Variants in CELA3B observed in about 807,000 individuals in gnomAD.
The protein encoded by CELA3B is chymotrypsin like elastase 3B, also known as chymotrypsin-like elastase family member 3B.
In CELA3B, 34 loss-of-function variants were observed where a neutral mutation model predicts 37.2. The ratio of observed to expected loss-of-function variants is 0.91; its 90% CI spans 0.70 to 1.22. The LOEUF (loss-of-function observed/expected upper bound fraction) is 1.22, where lower values mean the gene tolerates loss of function less well. Ranked by LOEUF, CELA3B falls within the 50% of genes most tolerant of loss-of-function variation. The probability of loss-of-function intolerance (pLI) is 0.00; values close to 1 mark genes in which losing one functional copy is unlikely to be tolerated. For missense variants in CELA3B, 340 were observed against 363.1 expected, an observed-to-expected ratio of 0.94 and a Z score of 0.52; for synonymous variants, 127 against 143.5, an observed-to-expected ratio of 0.89 and a Z score of 0.82.
downstream of CELA3B, among the ~76,000 whole-genome samples, chr1:21,989,810 A>C (rs2473312): frequency 0.076 from 11,436 of 150,614 alleles, 1,636 homozygotes; most frequent in African/African-American, 0.24. Context: ...CCTTGTTTTA[A>C]AGGAGGGCTC....
rs1436372146 is a variant in CELA3B at position 21,978,352 on chromosome 1, T to G, written c.44-17T>G. 2 of 1,613,914 alleles carry G rather than the reference T, an allele frequency of 1.2e-6. No homozygotes were observed. The highest frequency in any genetic ancestry group is 1.7e-5 in the Admixed American group (1 of 59,988). On this transcript the variant is annotated splice_polypyrimidine_tract_variant and intron_variant, in intron 1 of 7. Transcript: ENST00000337107. ...GGGGACCCTCCCGCTGATTGACAGCTCTCCTCTCCCCTCTAGCCTCAGGCT... is the reference window on the plus strand; with the variant it reads ...GGGGACCCTCCCGCTGATTGACAGCGCTCCTCTCCCCTCTAGCCTCAGGCT...
chr1:21,983,598 G>A, intron 4 of CELA3B, 96 bp from the exon 5 acceptor site: 1 of 1,534,832 alleles, frequency 6.5e-7, no homozygotes, highest in Non-Finnish European at 8.8e-7. Context: ...AAGGAGCTGG[G>A]GCATCTCAGA....
rs868814989 is a variant in CELA3B, at chr1:21,994,966, C to T, written c.505-3185C>T. On this transcript the variant is annotated intron_variant, in intron 4 of 4. Coordinates refer to the CELA3B transcript ENST00000400277. ...GCACTGAGCTCCTATCATGCCACTG[C>T]ACCCCAGCCTGGGCGACAGAGTGAG... 1.7e-4 allele frequency among the ~76,000 whole-genome samples: 23 copies of T among 135,660 alleles called. No homozygotes were observed. In the South Asian group the frequency reaches 2.9e-3, roughly 17 times the overall value. The allele number at this position is 135,660 out of a possible 152,430, so 89.0% of individuals were successfully genotyped here.
chr1:21,978,204 G>C (rs1644782646), intron 1 of CELA3B, among the ~76,000 whole-genome samples, 165 bp from the exon 2 acceptor site: 1 of 149,750 alleles, frequency 6.7e-6, no homozygotes, highest in South Asian at 2.1e-4. Flanking sequence ...CCCTGCTCTA[G>C]TTTAAATGTT....
rs1163998281 is a variant in CELA3B at position 21,977,073 on chromosome 1, G to A, written c.34G>A (p.Val12Met). 6.2e-7 allele frequency: 1 copy of A among 1,613,996 alleles called. No homozygotes were observed. The highest frequency in any genetic ancestry group is 8.5e-7 in the Non-Finnish European group (1 of 1,180,042). Residue 12 changes from valine (V) to methionine (M), a missense_variant, in exon 1 of 8, where the codon GTG (valine) becomes ATG (methionine). Transcript: ENST00000337107. ...MLRLLSSLLLVAVASGYGPPS... is the reference protein window; with the variant it reads ...MLRLLSSLLLMAVASGYGPPS... ...CCGGCTGCTCAGTTCCCTCCTCCTT[G>A]TGGCCGTTGGTAAGACCCCAACCTG...
At chr1:21,980,277 C>G (rs61776322) in intron 2 of CELA3B, among the ~76,000 whole-genome samples, 1 of 144,422 alleles carries the variant, frequency 6.9e-6, no homozygotes, top group Non-Finnish European at 1.5e-5. Flanking sequence ...GTGAGGAGCT[C>G]GAGACCAGCC....
At chr1:21,997,398 A>AT (rs999227837) in intron 4 of CELA3B, among the ~76,000 whole-genome samples, 5 of 147,504 alleles carry the variant, frequency 3.4e-5, no homozygotes, top group Non-Finnish European at 7.5e-5. Context: ...TCTCAAAAAA[A>AT]AAAAAAAATG....
intron 2 of CELA3B, among the ~76,000 whole-genome samples, chr1:21,979,544 C>T (rs1203691688): frequency 2.0e-5 from 3 of 147,090 alleles, no homozygotes; most frequent in African/African-American, 7.5e-5. Context: ...CCTTGACCTC[C>T]TAGGTCCAAG....
rs896484176 is a variant in CELA3B, at chr1:21,977,155, C to T, written c.43+73C>T. ...GAATCCTTGAAATCTACCACTTGCT[C>T]TAAGTCCCATGACACCCTATGCCTG... On this transcript the variant is annotated intron_variant, in intron 1 of 7. Coordinates refer to ENST00000337107, the MANE Select transcript of CELA3B (RefSeq NM_007352.4). The T allele has an allele frequency of 3.1e-6, 5 of 1,604,092 alleles. No homozygotes were observed. In the Admixed American group the frequency reaches 6.7e-5, roughly 21 times the overall value.
intron 2 of CELA3B, 44 bp from the exon 3 acceptor site, chr1:21,980,780 G>T (rs1437241542): frequency 1.4e-5 from 20 of 1,392,900 alleles, no homozygotes; most frequent in Non-Finnish European, 1.9e-5. Flanking sequence ...CAACTCTCAT[G>T]GTGGGGCCCA....
chr1:21,982,546 G>A (rs79053177), intron 4 of CELA3B, among the ~76,000 whole-genome samples: 5 of 151,948 alleles, frequency 3.3e-5, no homozygotes, highest in Non-Finnish European at 7.4e-5. Flanking sequence ...GTAGTGAGCC[G>A]AGATCGTGCC....
At chr1:21,977,211 C>CG (rs1359320959) in intron 1 of CELA3B, 129 bp downstream of exon 1, 1 of 1,370,028 alleles carries the variant, frequency 7.3e-7, no homozygotes, top group African/African-American at 1.4e-5. Flanking sequence ...AGCTTGTACC[C>CG]GGGGGCATGA....
At chr1:21,982,208 A>G (rs1644809700) in intron 4 of CELA3B, among the ~76,000 whole-genome samples, 1 of 152,140 alleles carries the variant, frequency 6.6e-6, no homozygotes, top group Non-Finnish European at 1.5e-5. Flanking sequence ...GGAGACCCAG[A>G]CAAAAGGACT....
intron 4 of CELA3B, among the ~76,000 whole-genome samples, chr1:21,997,612 C>T (rs1344389505): frequency 6.6e-6 from 1 of 150,634 alleles, no homozygotes; most frequent in East Asian, 2.0e-4. Flanking sequence ...TCACTTGAAC[C>T]CGGGAGGCGA....
chr1:21,983,889 G>T, intron 5 of CELA3B, 59 bp downstream of exon 5: 2 of 1,578,942 alleles, frequency 1.3e-6, no homozygotes, highest in Non-Finnish European at 1.7e-6. Context: ...AGGGCCTGGG[G>T]GCTGCAGGTT....
downstream of CELA3B, among the ~76,000 whole-genome samples, chr1:21,991,445 C>T (rs1644868073): frequency 6.7e-6 from 1 of 150,326 alleles, no homozygotes; most frequent in Non-Finnish European, 1.5e-5. Context: ...AAGCAATTCT[C>T]CTGCCTCAGC....
intron 4 of CELA3B, among the ~76,000 whole-genome samples, chr1:21,994,572 T>A (rs951733573): frequency 6.6e-6 from 1 of 150,892 alleles, no homozygotes; most frequent in African/African-American, 2.5e-5. Context: ...CAGACTTCCA[T>A]CCTGAGGAGG....
chr1:21,977,997 CCA>C (rs1644781983), intron 1 of CELA3B: 1 of 344,942 alleles, frequency 2.9e-6, no homozygotes, highest in African/African-American at 2.3e-5. Context: ...GTGTGAACCA[CCA>C]CACACAGCCC....
chr1:21,978,445 G>A lies in CELA3B; in HGVS notation c.120G>A (p.Trp40Ter). The change falls in exon 2 of 8, where the codon TGG becomes TGA. Residue 40 changes from tryptophan (W) to a stop codon, truncating the protein, a stop_gained. Transcript: ENST00000337107. LOFTEE classifies it high-confidence loss of function. ...VNGEDAVPYS[W>*]PWQVSLQYEK... Reference sequence around the variant, plus strand: ...GTGAGGATGCGGTCCCCTACAGCTGGCCCTGGCAGGTAAGAGCAATAGCAG... The same window carrying A: ...GTGAGGATGCGGTCCCCTACAGCTGACCCTGGCAGGTAAGAGCAATAGCAG... The A allele has an allele frequency of 6.2e-7, 1 of 1,614,088 alleles. No individual in the cohort carries two copies. The highest frequency in any genetic ancestry group is 1.1e-5 in the South Asian group (1 of 91,068).
Sources: gnomAD v4.1 joint callset for allele counts (sites outside exome capture counted in the v4.1 genomes callset) on GRCh38, gnomAD v4.1.1 for gene constraint, MANE v1.5 for transcripts, NCBI Gene and HGNC (gene_info 2026-07-23, HGNC 2026-07-21) for gene names.